SIK3: variants seen among roughly 807,000 people sequenced by gnomAD.
The protein encoded by SIK3 is serine/threonine-protein kinase SIK3.
SIK3 carries 28 observed loss-of-function variants against 144.2 expected under a neutral mutation model. The observed-to-expected ratio is 0.19, with a 90% CI of 0.14 to 0.27. The LOEUF is 0.27. Among genes scored for constraint, SIK3 ranks in the 10% least tolerant of loss-of-function variants. The pLI, the probability that SIK3 is intolerant of heterozygous loss-of-function variation, is 1.00. For synonymous variants in SIK3, 686 were observed against 676.3 expected, an observed-to-expected ratio of 1.01 and a Z score of -0.22; for missense variants, 1,319 against 1,776.0, an observed-to-expected ratio of 0.74 and a Z score of 4.62.
chr11:116,897,378 ACTAGTCT>A, intron 4 of SIK3, 61 bp from the exon 5 acceptor site: 1 of 1,446,142 alleles, frequency 6.9e-7, no homozygotes, highest in Non-Finnish European at 9.5e-7. Context: ...CTGAGCAAAC[ACTAGTCT>A]CTAGTCACTA....
At chr11:116,965,056 A>G (rs919617103) in intron 1 of SIK3, among the ~76,000 whole-genome samples, 2 of 152,208 alleles carry the variant, frequency 1.3e-5, no homozygotes, top group Non-Finnish European at 2.9e-5. Flanking sequence ...AAGTGGGAAA[A>G]TAAGTTGGAA....
intron 1 of SIK3, among the ~76,000 whole-genome samples, chr11:117,032,678 T>C (rs958867462): frequency 4.0e-5 from 6 of 150,944 alleles, no homozygotes; most frequent in African/African-American, 7.3e-5. Context: ...CCTTTTCTTT[T>C]TTTTTTTTTT....
chr11:116,858,489 C>T lies in SIK3; in HGVS notation c.2976G>A (p.Thr992=), dbSNP rs778243780. The T allele has an allele frequency of 7.5e-6, 12 of 1,608,170 alleles. No individual in the cohort carries two copies. Among genetic ancestry groups the T allele is most frequent in the African/African-American group, 5.4e-5 (4 of 74,764 alleles). Residue 992 remains threonine, a synonymous_variant, in exon 21 of 25, where the codon ACG becomes ACA. Coordinates refer to ENST00000445177, the MANE Select transcript of SIK3 (RefSeq NM_001366686.3). This position sits in a 1 kb window ranked among gnomAD's most constrained non-coding sequence, Gnocchi z 5.4. Reference sequence around the variant, plus strand: ...ACAGCAGGGCCTGCTGTAGTGCCGACGTGGTATAGTGTGGCGGCTGCTGAT... The same window carrying T: ...ACAGCAGGGCCTGCTGTAGTGCCGATGTGGTATAGTGTGGCGGCTGCTGAT... ...SAHQQPPHYT[T]SALQQALLSP...
intron 6 of SIK3, among the ~76,000 whole-genome samples, chr11:116,885,678 C>A (rs1196421596): frequency 6.6e-6 from 1 of 152,166 alleles, no homozygotes; most frequent in African/African-American, 2.4e-5. Context: ...ACAAATATAT[C>A]CATTCTATGA....
intron 1 of SIK3, among the ~76,000 whole-genome samples, chr11:117,026,858 C>T (rs1447813220): frequency 6.6e-6 from 1 of 151,784 alleles, no homozygotes; most frequent in Non-Finnish European, 1.5e-5. Context: ...AAGGGCAAGG[C>T]AAAAACAGTG....
chr11:116,873,731 T>TG, intron 12 of SIK3, 95 bp from the exon 13 acceptor site: 1 of 1,483,980 alleles, frequency 6.7e-7, no homozygotes, highest in Non-Finnish European at 9.0e-7. Flanking sequence ...AAGGGAGCCA[T>TG]GGGTCATGAC....
At chr11:117,088,321 T>C (rs750705107) in intron 1 of SIK3, among the ~76,000 whole-genome samples, 61 of 152,286 alleles carry the variant, frequency 4.0e-4, no homozygotes, top group South Asian at 8.3e-4. Flanking sequence ...ATCTTCCTAA[T>C]AGTAAAAGTT....
In SIK3 at chr11:116,863,734, G is replaced by A. The variant is rs762800408; in HGVS notation, c.2037C>T (p.Ser679=). The change falls in exon 16 of 25, where the codon AGC becomes AGT. Residue 679 remains serine (S), a synonymous_variant. Coordinates refer to ENST00000445177, the MANE Select transcript of SIK3 (RefSeq NM_001366686.3). The part of the protein sequence containing the change: ...PVRRFSDGAA[S]IQAFKAHLEK... ...CCAGGTGAGCTTTGAAGGCCTGGAT[G>A]CTCGCAGCCCCATCTGAGAACCGGC... The A allele has an allele frequency of 1.2e-6, 2 of 1,614,156 alleles. No individual in the cohort carries two copies. Among genetic ancestry groups the A allele is most frequent in the Non-Finnish European group, 1.7e-6 (2 of 1,180,028 alleles).
Position 116,861,398 on chromosome 11 carries a change from A to G in SIK3, c.2316-15T>C. On this transcript the variant is annotated splice_polypyrimidine_tract_variant and intron_variant, in intron 18 of 24. Transcript: ENST00000445177. Reference sequence around the variant, plus strand: ...GAATCCTTAACCTTAAAAATAACAAAAGAGATACACAAAGAAGCTTCCTAA... The same window carrying G: ...GAATCCTTAACCTTAAAAATAACAAGAGAGATACACAAAGAAGCTTCCTAA... 6.4e-7 allele frequency: 1 copy of G among 1,559,782 alleles called. No individual in the cohort carries two copies. Among genetic ancestry groups the G allele is most frequent in the Non-Finnish European group, 8.8e-7 (1 of 1,137,470 alleles).
intron 1 of SIK3, among the ~76,000 whole-genome samples, chr11:117,050,286 T>TCACA (rs559417764): frequency 0.051 from 7,666 of 149,358 alleles, 276 homozygotes; most frequent in South Asian, 0.12. Context: ...CAAGACTCCA[T>TCACA]CACACACACA....
chr11:116,997,200 T>G (rs1950699069), intron 1 of SIK3, among the ~76,000 whole-genome samples: 1 of 152,224 alleles, frequency 6.6e-6, no homozygotes, highest in Admixed American at 6.5e-5. Context: ...CTTGACTCCT[T>G]GGCAACTAGT....
intron 4 of SIK3, among the ~76,000 whole-genome samples, chr11:116,899,518 T>C (rs1466967480): frequency 6.6e-6 from 1 of 152,248 alleles, no homozygotes; most frequent in Admixed American, 6.5e-5. Context: ...GACATTATTA[T>C]AATTAAGTAG....
At chr11:116,978,418 C>T (rs1311732910) in intron 1 of SIK3, among the ~76,000 whole-genome samples, 5 of 152,114 alleles carry the variant, frequency 3.3e-5, no homozygotes, top group Non-Finnish European at 7.3e-5. Flanking sequence ...TGTTCATTTG[C>T]TTTTCTTTAT....
intron 1 of SIK3, among the ~76,000 whole-genome samples, chr11:116,971,206 C>T (rs902922851): frequency 7.9e-5 from 12 of 152,080 alleles, no homozygotes; most frequent in African/African-American, 2.9e-4. Flanking sequence ...AATTTCCATC[C>T]CACTTACAGA....
At position 116,859,409 on chromosome 11, in the gene SIK3, G is replaced by A. The variant is rs1411986134; in HGVS notation, c.2621C>T (p.Ala874Val). The change falls in exon 20 of 25, where the codon GCA (alanine) becomes GTA (valine). Residue 874 changes from alanine (A) to valine (V), a missense_variant. By Grantham distance (64) the Ala-to-Val change is moderately conservative. This residue lies in a region of SIK3 where 646 missense variants were observed against 763.7 expected (regional missense o/e 0.85). Transcript: ENST00000445177. ...GGAGATGCCGCGCCCACTGGAGCCT[G>A]CAGCTGTGCCTGGCATGTTGCTGAG... Reference protein sequence around the residue: ...DMLSNMPGTAAGSSGRGISIS... With the variant: ...DMLSNMPGTAVGSSGRGISIS... The A allele has an allele frequency of 6.2e-7, 1 of 1,614,220 alleles. No individual in the cohort carries two copies. The highest frequency in any genetic ancestry group is 1.7e-5 in the Admixed American group (1 of 60,028).
intron 1 of SIK3, among the ~76,000 whole-genome samples, chr11:117,002,783 G>A (rs966399031): frequency 6.6e-6 from 1 of 152,200 alleles, no homozygotes; most frequent in African/African-American, 2.4e-5. Flanking sequence ...CTTGTCATCT[G>A]ACAATATCTA....
At chr11:116,861,696 C>A in intron 18 of SIK3, 145 bp downstream of exon 18, 1 of 643,260 alleles carries the variant, frequency 1.6e-6, no homozygotes, top group South Asian at 2.0e-5. Flanking sequence ...CAAGAAGGCT[C>A]CTGAAATTTA....
At chr11:117,080,093 G>C (rs929976180) in intron 1 of SIK3, among the ~76,000 whole-genome samples, 8 of 152,018 alleles carry the variant, frequency 5.3e-5, no homozygotes, top group African/African-American at 1.9e-4. Context: ...ATAAGAAAAA[G>C]CCAAAAGCCC....
intron 1 of SIK3, among the ~76,000 whole-genome samples, chr11:117,036,203 G>T (rs1034036345): frequency 6.6e-6 from 1 of 150,888 alleles, no homozygotes; most frequent in Non-Finnish European, 1.5e-5. Context: ...TTGCAGGTGT[G>T]AGCCAATGTG....
Sources: gnomAD v4.1 joint callset for allele counts (sites outside exome capture counted in the v4.1 genomes callset) on GRCh38, gnomAD v4.1.1 for gene constraint, gnomAD v4.1.1 regional missense constraint, Gnocchi (gnomAD v3.1) non-coding constraint, MANE v1.5 for transcripts, NCBI Gene and HGNC (gene_info 2026-07-23, HGNC 2026-07-21) for gene names.